The following WHAMM variants were observed in gnomAD, a reference collection of about 807,000 sequenced individuals.
The protein encoded by WHAMM is WASP homolog-associated protein with actin, membranes and microtubules.
Under a neutral mutation model 76.5 loss-of-function variants are expected in WHAMM, and 67 were observed. The ratio of observed to expected loss-of-function variants is 0.88; its 90% CI spans 0.72 to 1.07. The LOEUF is 1.07. WHAMM is among the 50% of genes least tolerant of loss of function. WHAMM has a pLI of 0.00. For missense variants in WHAMM, 1,021 were observed against 1,051.1 expected (o/e 0.97, Z 0.40); for synonymous variants, 419 against 422.1 (o/e 0.99, Z 0.09).
Position 82,831,028 on chromosome 15 carries a change from G to C in WHAMM, c.2071G>C (p.Glu691Gln). The change falls in exon 9 of 10, where the codon GAA (glutamate) becomes CAA (glutamine). Residue 691 changes from glutamate (E) to glutamine (Q), a missense_variant. Transcript: ENST00000286760. ...KDDQPRPLVCESPAERPRDSL... is the reference protein window; with the variant it reads ...KDDQPRPLVCQSPAERPRDSL... ...TGACCAGCCACGTCCTCTAGTGTGC[G>C]AATCACCTGCTGAGCGACCACGTGA... The C allele has an allele frequency of 6.2e-7, 1 of 1,611,178 alleles. No homozygotes were observed. The highest frequency in any genetic ancestry group is 1.1e-5 in the South Asian group (1 of 91,048).
intron 6 of WHAMM, among the ~76,000 whole-genome samples, chr15:82,824,597 G>A (rs769723769): frequency 1.4e-4 from 21 of 151,248 alleles, no homozygotes; most frequent in Non-Finnish European, 2.2e-4. Context: ...CTGGGATTAC[G>A]GGCATGAGTC....
chr15:82,823,404 T>A lies in WHAMM; in HGVS notation c.1458+117T>A, dbSNP rs1293745391. 6.2e-5 allele frequency: 54 copies of A among 867,826 alleles called. No individual in the cohort carries two copies. The East Asian group carries it at 1.7e-3, about 28-fold the overall frequency. 53.8% of individuals were successfully genotyped at this position (867,826 alleles called of 1,614,324 possible). On this transcript the variant is annotated intron_variant, in intron 6 of 9. Transcript: ENST00000286760. ...AACACAGTGATTACATTTTGTGTGC[T>A]TATGTACTTATCCATGGCTATAGTT...
Position 82,826,458 on chromosome 15 carries a change from A to G in WHAMM, c.1507A>G (p.Ser503Gly). ...HRFRLQQAEE[S>G]IRYSRQHHSI... ...GTTCAGATTGCAACAGGCTGAAGAA[A>G]GCATAAGATACTCTCGTCAGCATCA... is the stretch of plus-strand genomic sequence containing the variant. Residue 503 changes from serine to glycine, a missense_variant, in exon 7 of 10, where the codon AGC (serine) becomes GGC (glycine). By Grantham distance (56) the Ser-to-Gly change is moderately conservative. Around this residue, in one of 3 missense-constraint regions of WHAMM, gnomAD observed 509 missense variants for 492.3 expected, o/e 1.03. Coordinates refer to ENST00000286760, the MANE Select transcript of WHAMM (RefSeq NM_001080435.3). The G allele has an allele frequency of 6.2e-7, 1 of 1,614,070 alleles. No homozygotes were observed. Among genetic ancestry groups the G allele is most frequent in the Middle Eastern group, 1.6e-4 (1 of 6,062 alleles).
Position 82,810,604 on chromosome 15 carries a change from C to T in WHAMM, c.609+269C>T, listed in dbSNP as rs868381983. The T allele has an allele frequency of 3.9e-5, 38 of 985,408 alleles. No homozygotes were observed. The African/African-American group carries it at 5.8e-4, about 15-fold the overall frequency. 61.0% of individuals were successfully genotyped at this position (985,408 alleles called of 1,614,324 possible). ...CTGGGCTAGGCCCCCAACTTTTGCC[C>T]TGAAGATGCTGGCAGAGCAGGATGT... On this transcript the variant is annotated intron_variant, in intron 1 of 9. Coordinates refer to ENST00000286760, the MANE Select transcript of WHAMM (RefSeq NM_001080435.3).
Position 82,835,989 on chromosome 15 carries a change from G to A in WHAMM, c.*2453G>A, listed in dbSNP as rs540730995. ...TTTCAGTATTTTGAGATACCAGCGA[G>A]CTTAATCAGGCTAAAATAATTCTCA... is the stretch of plus-strand genomic sequence containing the variant. On this transcript the variant is annotated 3_prime_UTR_variant, in exon 10 of 10. Transcript: ENST00000286760. 1 of 152,244 alleles carries A rather than the reference G, an allele frequency of 6.6e-6. No individual in the cohort carries two copies. Among genetic ancestry groups the A allele is most frequent in the African/African-American group, 2.4e-5 (1 of 41,466 alleles). The allele number at this position is 152,244 out of a possible 1,614,324, so 9.4% of individuals were successfully genotyped here.
Position 82,833,231 on chromosome 15 carries a change from T to G in WHAMM, c.2125T>G (p.Ser709Ala). 6.2e-7 allele frequency: 1 copy of G among 1,613,204 alleles called. No homozygotes were observed. The highest frequency in any genetic ancestry group is 8.5e-7 in the Non-Finnish European group (1 of 1,179,462). Residue 709 changes from serine to alanine, a missense_variant and splice_region_variant, in exon 10 of 10, where the codon TCT becomes GCT. Coordinates refer to ENST00000286760, the MANE Select transcript of WHAMM (RefSeq NM_001080435.3). ...DSLESFSCPG[S>A]MDEVLASLRH... is the part of the protein sequence containing the mutation. Reference sequence around the variant, plus strand: ...TAGCTCTGCTTATTCAATTTCAGGATCTATGGATGAAGTGTTGGCCTCCTT... The same window carrying G: ...TAGCTCTGCTTATTCAATTTCAGGAGCTATGGATGAAGTGTTGGCCTCCTT...
In WHAMM at chr15:82,810,032, G is replaced by A. The variant is rs1369909698; in HGVS notation, c.306G>A (p.Glu102=). 4.1e-6 allele frequency: 5 copies of A among 1,230,684 alleles called. No homozygotes were observed. The East Asian group carries it at 1.4e-4, about 34-fold the overall frequency. The allele number at this position is 1,230,684 out of a possible 1,614,324, so 76.2% of individuals were successfully genotyped here. ...TGGCGGCGCTGTGGCCGCCTCTGGA[G>A]CGCTGCTTCCCGCGGCTGCCGCCGG... ...RQLAALWPPL[E]RCFPRLPPEL... Residue 102 remains glutamate (E), a synonymous_variant, in exon 1 of 10, where the codon GAG becomes GAA. Transcript: ENST00000286760.
chr15:82,810,954 G>A (rs2050617650), intron 1 of WHAMM, among the ~76,000 whole-genome samples: 1 of 152,150 alleles, frequency 6.6e-6, no homozygotes, highest in African/African-American at 2.4e-5. Flanking sequence ...CCTAAGGGGA[G>A]GGGAAGTACA....
At position 82,826,505 on chromosome 15, in the gene WHAMM, C is replaced by T. The variant is rs1440837020; in HGVS notation, c.1545+9C>T. On this transcript the variant is annotated intron_variant, in intron 7 of 9. Coordinates refer to ENST00000286760, the MANE Select transcript of WHAMM (RefSeq NM_001080435.3). ...ATCACAGTATTCAGATGGTGAGTCTCCTCCGAAGGAAAATGTTCTATGTTT... is the reference window on the plus strand; with the variant it reads ...ATCACAGTATTCAGATGGTGAGTCTTCTCCGAAGGAAAATGTTCTATGTTT... The T allele has an allele frequency of 1.6e-5, 26 of 1,611,656 alleles. No individual in the cohort carries two copies. Among genetic ancestry groups the T allele is most frequent in the Non-Finnish European group, 2.2e-5 (26 of 1,177,780 alleles).
chr15:82,821,945 G>A (rs1456754138), intron 5 of WHAMM, among the ~76,000 whole-genome samples: 1 of 152,050 alleles, frequency 6.6e-6, no homozygotes, highest in Non-Finnish European at 1.5e-5. Flanking sequence ...TGAGTATTCA[G>A]AATTTTTTGC....
At position 82,809,964 on chromosome 15, in the gene WHAMM, G is replaced by C; in HGVS notation, c.238G>C (p.Gly80Arg). The C allele has an allele frequency of 7.4e-7, 1 of 1,350,330 alleles. No homozygotes were observed. Among genetic ancestry groups the C allele is most frequent in the Middle Eastern group, 2.7e-4 (1 of 3,644 alleles). The allele number at this position is 1,350,330 out of a possible 1,614,324, so 83.6% of individuals were successfully genotyped here. A position where few individuals can be genotyped will look rare whatever the true frequency, so the allele number is the denominator to read the frequency against. Residue 80 changes from glycine to arginine, a missense_variant, in exon 1 of 10, where the codon GGC (glycine) becomes CGC (arginine). Physicochemically the swap from Gly to Arg is moderately radical, Grantham distance 125. Coordinates refer to ENST00000286760, the MANE Select transcript of WHAMM (RefSeq NM_001080435.3). ...CGCCGTCTCCCCGTCCAGCTGGGCCGGCCTGCTCTCGGCCGCGGGGCTCCG... is the reference window on the plus strand; with the variant it reads ...CGCCGTCTCCCCGTCCAGCTGGGCCCGCCTGCTCTCGGCCGCGGGGCTCCG... Reference protein sequence around the residue: ...EAAVSPSSWAGLLSAAGLRGA... With the variant: ...EAAVSPSSWARLLSAAGLRGA...
chr15:82,815,155 A>ATATATG lies in WHAMM; in HGVS notation c.784-1537_784-1536insTATATG, dbSNP rs55807384. Among the ~76,000 whole-genome samples the ATATATG allele has an allele frequency of 1.7e-4, 8 of 46,138 alleles. 1 individual carries two copies. In the South Asian group the frequency reaches 1.9e-3, roughly 11 times the overall value. 30.3% of individuals were successfully genotyped at this position (46,138 alleles called of 152,430 possible). On this transcript the variant is annotated intron_variant, in intron 2 of 9. Transcript: ENST00000286760. ...TATATATATATATATATATATATAT[A>ATATATG]GTACAATTCAGTGATTTTTAGTATA...
intron 6 of WHAMM, among the ~76,000 whole-genome samples, chr15:82,823,887 A>G (rs1253523398): frequency 2.0e-5 from 3 of 152,092 alleles, no homozygotes; most frequent in East Asian, 1.9e-4. Context: ...AAAAACCACA[A>G]TAGGTAGAAA....
At chr15:82,831,325 C>A (rs1247823797) in intron 9 of WHAMM, among the ~76,000 whole-genome samples, 1 of 152,162 alleles carries the variant, frequency 6.6e-6, no homozygotes, top group African/African-American at 2.4e-5. Flanking sequence ...ATTTAATGAT[C>A]GCATGACTTG....
rs775646211 is a variant in WHAMM, at chr15:82,819,458, C to G, written c.1240C>G (p.Gln414Glu). ...AAACGAAGAAATACTGCTTACTACACAGTTGGACTCTCTTAAAAGACTTAT... is the reference window on the plus strand; with the variant it reads ...AAACGAAGAAATACTGCTTACTACAGAGTTGGACTCTCTTAAAAGACTTAT... ...LKNEEILLTT[Q>E]LDSLKRLIKE... Residue 414 changes from glutamine to glutamate, a missense_variant, in exon 5 of 10, where the codon CAG becomes GAG. This residue lies in a region of WHAMM where 509 missense variants were observed against 492.3 expected (regional missense o/e 1.03). Transcript: ENST00000286760. 7.9e-7 allele frequency: 1 copy of G among 1,261,206 alleles called. No homozygotes were observed. Among genetic ancestry groups the G allele is most frequent in the South Asian group, 1.6e-5 (1 of 62,216 alleles). The allele number at this position is 1,261,206 out of a possible 1,614,324, so 78.1% of individuals were successfully genotyped here.
rs370040939 is a variant in WHAMM, at chr15:82,816,863, A to G, written c.934+21A>G. On this transcript the variant is annotated intron_variant, in intron 3 of 9. Coordinates refer to ENST00000286760, the MANE Select transcript of WHAMM (RefSeq NM_001080435.3). ...AGCAGGTGATAATTTAAAAAATGCT[A>G]TATGAAGATACATGTAATTGATTAT... The G allele has an allele frequency of 8.1e-5, 126 of 1,547,108 alleles. No homozygotes were observed. The Middle Eastern group carries it at 1.0e-3, about 12-fold the overall frequency.
intron 9 of WHAMM, among the ~76,000 whole-genome samples, chr15:82,832,755 A>G (rs1375915147): frequency 6.6e-6 from 1 of 152,242 alleles, no homozygotes; most frequent in East Asian, 1.9e-4. Context: ...ATCACTGACT[A>G]ATACCCAAGA....
In WHAMM at chr15:82,835,026, T is replaced by C. The variant is rs771246579; in HGVS notation, c.*1490T>C. The C allele has an allele frequency of 1.3e-5, 2 of 152,202 alleles. No individual in the cohort carries two copies. The highest frequency in any genetic ancestry group is 2.4e-5 in the African/African-American group (1 of 41,448). 9.4% of individuals were successfully genotyped at this position (152,202 alleles called of 1,614,324 possible). ...TCCCTACTAACCTCATCACCCTCAC[T>C]CTGGTGATATTACTCCTGGGTCTCC... On this transcript the variant is annotated 3_prime_UTR_variant, in exon 10 of 10. Transcript: ENST00000286760.
intron 2 of WHAMM, among the ~76,000 whole-genome samples, chr15:82,813,891 C>T (rs188514187): frequency 6.6e-6 from 1 of 151,854 alleles, no homozygotes; most frequent in Non-Finnish European, 1.5e-5. Context: ...AACTCCTGAC[C>T]TCAAGCGAGC....
Sources: allele counts gnomAD v4.1 joint callset (sites outside exome capture counted in the v4.1 genomes callset), GRCh38; gene constraint gnomAD v4.1.1; regional missense constraint gnomAD v4.1.1; transcripts MANE v1.5; gene names NCBI Gene and HGNC (gene_info 2026-07-23, HGNC 2026-07-21).